Variants in IQCE observed in about 807,000 individuals in gnomAD.
IQCE encodes IQ domain-containing protein E.
Under a neutral mutation model 96.0 loss-of-function variants are expected in IQCE, and 115 were observed. The ratio of observed to expected loss-of-function variants is 1.20; its 90% CI spans 1.03 to 1.40. The LOEUF is 1.40. Ranked by LOEUF, IQCE falls within the 40% of genes most tolerant of loss-of-function variation. The pLI is 0.00. For missense variants in IQCE, 1,041 were observed against 909.1 expected, an observed-to-expected ratio of 1.15 and a Z score of -1.87; for synonymous variants, 412 against 371.2, an observed-to-expected ratio of 1.11 and a Z score of -1.26.
chr7:2,603,221 C>T (rs1218012282), intron 18 of IQCE, among the ~76,000 whole-genome samples: 1 of 152,188 alleles, frequency 6.6e-6, no homozygotes, highest in African/African-American at 2.4e-5. Flanking sequence ...ACAGCCTGCC[C>T]AGGCTCCCGG....
intron 18 of IQCE, among the ~76,000 whole-genome samples, chr7:2,602,913 GCGCCC>G (rs1784532177): frequency 1.3e-5 from 2 of 152,230 alleles, no homozygotes; most frequent in African/African-American, 4.8e-5. Flanking sequence ...AGCCACACGA[GCGCCC>G]TCCACGAGCA....
chr7:2,563,695 C>T (rs1781143743), intron 1 of IQCE, among the ~76,000 whole-genome samples: 1 of 151,792 alleles, frequency 6.6e-6, no homozygotes, highest in African/African-American at 2.4e-5. Flanking sequence ...GAGATCGAGA[C>T]CATCCTGGCT....
At chr7:2,593,446 G>A (rs1783771842) in intron 15 of IQCE, among the ~76,000 whole-genome samples, 1 of 152,258 alleles carries the variant, frequency 6.6e-6, no homozygotes, top group South Asian at 2.1e-4. Context: ...CTTAAGAGGG[G>A]CCGCCCGTGC....
At chr7:2,561,586 A>C (rs1218197637) in intron 1 of IQCE, among the ~76,000 whole-genome samples, 2 of 151,766 alleles carry the variant, frequency 1.3e-5, no homozygotes, top group African/African-American at 4.8e-5. Context: ...ATGCCCGGCT[A>C]ATTTTTTTGT....
In IQCE at chr7:2,578,320, G is replaced by A; in HGVS notation, c.544G>A (p.Asp182Asn). Residue 182 changes from aspartate (D) to asparagine (N), a missense_variant, in exon 7 of 22, where the codon GAC (aspartate) becomes AAC (asparagine). Transcript: ENST00000402050. ...CCTGGAGGAGGAAAACAGCAGGAAG[G>A]ACCGGCAGATAGAGCAGCTCCTGGA... ...RRLEEENSRKDRQIEQLLDPS... is the reference protein window; with the variant it reads ...RRLEEENSRKNRQIEQLLDPS... 2 of 1,614,044 alleles carry A rather than the reference G, an allele frequency of 1.2e-6. No homozygotes were observed. Among genetic ancestry groups the A allele is most frequent in the Non-Finnish European group, 1.7e-6 (2 of 1,179,986 alleles).
intron 6 of IQCE, among the ~76,000 whole-genome samples, chr7:2,574,797 A>G (rs950610795): frequency 5.3e-5 from 8 of 151,942 alleles, no homozygotes; most frequent in African/African-American, 1.9e-4. Flanking sequence ...CCTCGTGAAG[A>G]TCGGGTAGCT....
intron 1 of IQCE, among the ~76,000 whole-genome samples, chr7:2,562,967 C>T (rs376669658): frequency 2.6e-5 from 4 of 151,962 alleles, no homozygotes; most frequent in South Asian, 4.2e-4. Flanking sequence ...ACTCTGTTGT[C>T]GATGCTAGAG....
At chr7:2,592,073 CA>C (rs1357268972) in intron 14 of IQCE, among the ~76,000 whole-genome samples, 1 of 151,986 alleles carries the variant, frequency 6.6e-6, no homozygotes, top group African/African-American at 2.4e-5. Context: ...AGGCGTGAGC[CA>C]CCGCGCCCGG....
At chr7:2,584,329 C>T (rs778452933) in intron 11 of IQCE, 44 bp downstream of exon 11, 26 of 1,582,582 alleles carry the variant, frequency 1.6e-5, no homozygotes, top group Admixed American at 5.0e-5. Flanking sequence ...GTTGCCTTCA[C>T]GTTGTGGAAG....
chr7:2,576,903 G>A (rs182664936), intron 6 of IQCE, among the ~76,000 whole-genome samples: 5 of 152,330 alleles, frequency 3.3e-5, no homozygotes, highest in Admixed American at 6.5e-5. Flanking sequence ...GAGAAAACGC[G>A]TGGTGCGGCA....
chr7:2,573,996 A>G (rs1283092394), intron 6 of IQCE, among the ~76,000 whole-genome samples: 1 of 152,208 alleles, frequency 6.6e-6, no homozygotes, highest in Non-Finnish European at 1.5e-5. Flanking sequence ...AACCAGTAGC[A>G]GAACCAAGAT....
intron 11 of IQCE, 95 bp downstream of exon 11, chr7:2,584,380 T>C: frequency 1.7e-6 from 2 of 1,146,338 alleles, no homozygotes; most frequent in Non-Finnish European, 2.7e-6. Context: ...GTGCGGCATA[T>C]ACTGCCCTTA....
intron 5 of IQCE, chr7:2,572,659 G>A: frequency 4.1e-6 from 2 of 489,840 alleles, no homozygotes; most frequent in Non-Finnish European, 8.0e-6. Flanking sequence ...ATGATAAAAA[G>A]TCCAAGTCGC....
intron 12 of IQCE, among the ~76,000 whole-genome samples, chr7:2,587,471 C>T (rs1001835023): frequency 1.3e-5 from 2 of 151,996 alleles, no homozygotes; most frequent in Admixed American, 1.3e-4. Flanking sequence ...GCTGTGCATG[C>T]CAGGAAGGGG....
chr7:2,595,368 C>T (rs1305842874), intron 16 of IQCE, among the ~76,000 whole-genome samples: 2 of 152,168 alleles, frequency 1.3e-5, no homozygotes, highest in Non-Finnish European at 2.9e-5. Flanking sequence ...ATCTAAGTTC[C>T]AGAACACAAG....
intron 14 of IQCE, among the ~76,000 whole-genome samples, chr7:2,591,244 C>A: frequency 6.6e-6 from 1 of 150,826 alleles, no homozygotes; most frequent in African/African-American, 2.4e-5. Flanking sequence ...CAGTGAGACT[C>A]TGTCTCAAAA....
intron 1 of IQCE, 27 bp from the exon 2 acceptor site, chr7:2,567,089 T>A (rs1017533363): frequency 1.2e-6 from 2 of 1,609,258 alleles, no homozygotes; most frequent in African/African-American, 1.3e-5. Flanking sequence ...TGCCGTCGAG[T>A]TACAGTGTTT....
chr7:2,601,344 G>T, intron 17 of IQCE, 97 bp from the exon 18 acceptor site: 1 of 847,474 alleles, frequency 1.2e-6, no homozygotes, highest in Non-Finnish European at 1.9e-6. Context: ...CCTCTTGTTG[G>T]CTTGATGGAC....
chr7:2,578,585 C>T, intron 8 of IQCE, 59 bp downstream of exon 8: 2 of 1,572,768 alleles, frequency 1.3e-6, no homozygotes, highest in South Asian at 1.1e-5. Flanking sequence ...TGGGGACAGC[C>T]ACAGAGGGAC....
Sources: allele counts gnomAD v4.1 joint callset (sites outside exome capture counted in the v4.1 genomes callset), GRCh38; gene constraint gnomAD v4.1.1; transcripts MANE v1.5; gene names NCBI Gene and HGNC (gene_info 2026-07-23, HGNC 2026-07-21).